VWA2: variants seen among roughly 807,000 people sequenced by gnomAD.
The protein encoded by VWA2 is von Willebrand factor A domain-containing protein 2.
Under a neutral mutation model 70.4 loss-of-function variants are expected in VWA2, and 73 were observed. That is an observed-to-expected ratio of 1.04 (90% CI 0.86 to 1.26). VWA2 has a LOEUF of 1.26. VWA2 is among the 50% of genes most tolerant of loss of function. The probability of loss-of-function intolerance (pLI) is 0.00; values close to 1 mark genes in which losing one functional copy is unlikely to be tolerated. For missense variants in VWA2, 1,011 were observed against 998.5 expected (o/e 1.01, Z -0.17); for synonymous variants, 407 against 423.3 (o/e 0.96, Z 0.47).
chr10:114,258,755 C>G (rs1344793860), intron 4 of VWA2, among the ~76,000 whole-genome samples: 4 of 152,200 alleles, frequency 2.6e-5, no homozygotes, highest in African/African-American at 9.7e-5. Context: ...TTCTTGAGTC[C>G]CTTCCGGAAT....
intron 13 of VWA2, among the ~76,000 whole-genome samples, chr10:114,291,015 T>G (rs560357070): frequency 6.6e-6 from 1 of 152,152 alleles, no homozygotes; most frequent in Non-Finnish European, 1.5e-5. Flanking sequence ...CTTGGTTTTT[T>G]GGCCACGGGC....
intron 1 of VWA2, chr10:114,246,165 C>T (rs1320297886): frequency 2.5e-6 from 3 of 1,188,876 alleles, no homozygotes; most frequent in African/African-American, 1.5e-5. Context: ...GTTGGGAAGC[C>T]TCCTTTTGAG....
intron 2 of VWA2, among the ~76,000 whole-genome samples, chr10:114,249,584 G>A (rs1305738584): frequency 6.6e-6 from 1 of 152,176 alleles, no homozygotes; most frequent in Non-Finnish European, 1.5e-5. Context: ...GTGAGAATAT[G>A]CGGTGTTTGG....
At chr10:114,254,289 C>T (rs1240423195) in intron 3 of VWA2, among the ~76,000 whole-genome samples, 1 of 151,906 alleles carries the variant, frequency 6.6e-6, no homozygotes, top group Non-Finnish European at 1.5e-5. Flanking sequence ...CCAGGCTGAT[C>T]TCGAACTCCT....
Position 114,261,313 on chromosome 10 carries a change from C to A in VWA2, c.371+18C>A, listed in dbSNP as rs1334839865. ...GTTTTCAAGTATGTATGATCAGATA[C>A]TGCTGTGGTTAGGGTGACGCCAACT... On this transcript the variant is annotated intron_variant, in intron 5 of 13. Transcript: ENST00000392982. 1.2e-6 allele frequency: 2 copies of A among 1,601,454 alleles called. No individual in the cohort carries two copies.
At chr10:114,284,745 G>T in intron 9 of VWA2, 118 bp from the exon 10 acceptor site, 1 of 895,068 alleles carries the variant, frequency 1.1e-6, no homozygotes, top group South Asian at 1.7e-5. Flanking sequence ...GACTGTGGGG[G>T]AAGGGAGGGG....
chr10:114,289,615 G>C (rs2039352142), intron 12 of VWA2, 126 bp downstream of exon 12: 1 of 1,072,732 alleles, frequency 9.3e-7, no homozygotes, highest in South Asian at 1.4e-5. Flanking sequence ...CCAAGTGCCA[G>C]GTTCTGTGCT....
At chr10:114,289,719 C>G in intron 12 of VWA2, 1 of 578,926 alleles carries the variant, frequency 1.7e-6, no homozygotes, top group South Asian at 2.0e-5. Flanking sequence ...ATAACTCCCC[C>G]CAAACTTGAG....
intron 1 of VWA2, among the ~76,000 whole-genome samples, chr10:114,247,189 GA>G (rs78485491): frequency 0.15 from 20,550 of 138,776 alleles, 1,414 homozygotes; most frequent in African/African-American, 0.16. Context: ...TTTTAAGTGT[GA>G]AAAAAAAAAA....
chr10:114,262,110 A>G (rs1229365588), intron 5 of VWA2, among the ~76,000 whole-genome samples: 1 of 152,142 alleles, frequency 6.6e-6, no homozygotes, highest in African/African-American at 2.4e-5. Context: ...AACTTGTACT[A>G]GGCCCCACCT....
chr10:114,250,000 CT>C (rs2037162061), intron 2 of VWA2, among the ~76,000 whole-genome samples: 1 of 152,154 alleles, frequency 6.6e-6, no homozygotes, highest in Non-Finnish European at 1.5e-5. Context: ...TGCCCCTGTG[CT>C]TGGATCACCC....
At position 114,289,174 on chromosome 10, in the gene VWA2, T is replaced by C. The variant is rs767751676; in HGVS notation, c.1807T>C (p.Tyr603His). Residue 603 changes from tyrosine (Y) to histidine (H), a missense_variant, in exon 12 of 14, where the codon TAC (tyrosine) becomes CAC (histidine). Tyr to His is a moderately conservative substitution (Grantham distance 83). Transcript: ENST00000392982. ...GCTGCGGGCCATTAGCCAGGCCCCC[T>C]ACCTAGGTGGGGTGGGCTCAGCCGG... The part of the protein sequence containing the change: ...AMLRAISQAP[Y>H]LGGVGSAGTA... 1 of 1,613,558 alleles carries C rather than the reference T, an allele frequency of 6.2e-7. No individual in the cohort carries two copies. The highest frequency in any genetic ancestry group is 8.5e-7 in the Non-Finnish European group (1 of 1,179,848).
chr10:114,284,818 C>T (rs1430591965), intron 9 of VWA2, 45 bp from the exon 10 acceptor site: 1 of 1,548,744 alleles, frequency 6.5e-7, no homozygotes, highest in Non-Finnish European at 8.7e-7. Flanking sequence ...CTCTCCACTC[C>T]TCTGTGCTGC....
At chr10:114,265,626 T>G (rs1470870925) in intron 5 of VWA2, among the ~76,000 whole-genome samples, 1 of 152,094 alleles carries the variant, frequency 6.6e-6, no homozygotes, top group Non-Finnish European at 1.5e-5. Context: ...ACCCCCTAGA[T>G]GATTAGTTGA....
chr10:114,290,010 AGTC>A, intron 12 of VWA2: 1 of 347,540 alleles, frequency 2.9e-6, no homozygotes, highest in Non-Finnish European at 5.1e-6. Flanking sequence ...AAAAAAAAAA[AGTC>A]TGCCATGTGT....
At chr10:114,271,022 C>T (rs185638921) in intron 5 of VWA2, among the ~76,000 whole-genome samples, 34 of 152,246 alleles carry the variant, frequency 2.2e-4, no homozygotes, top group African/African-American at 7.2e-4. Context: ...TGCTCCCTGA[C>T]AGCTCCACCC....
chr10:114,278,624 C>G, intron 7 of VWA2, 95 bp from the exon 8 acceptor site: 3 of 1,560,186 alleles, frequency 1.9e-6, no homozygotes, highest in Non-Finnish European at 2.6e-6. Context: ...GGTGGAACCT[C>G]CCAGGAGCGG....
intron 5 of VWA2, among the ~76,000 whole-genome samples, chr10:114,263,107 C>T (rs2037480556): frequency 6.6e-6 from 1 of 152,128 alleles, no homozygotes; most frequent in African/African-American, 2.4e-5. Context: ...CCTCCACCTC[C>T]CAGGCTCAAG....
intron 9 of VWA2, among the ~76,000 whole-genome samples, chr10:114,283,776 G>A (rs1029004287): frequency 1.3e-4 from 20 of 152,232 alleles, no homozygotes; most frequent in Admixed American, 5.2e-4. Flanking sequence ...CACTGTCGTC[G>A]ATCTCAGTGA....
Sources: allele counts gnomAD v4.1 joint callset (sites outside exome capture counted in the v4.1 genomes callset), GRCh38; gene constraint gnomAD v4.1.1; transcripts MANE v1.5; gene names NCBI Gene and HGNC (gene_info 2026-07-23, HGNC 2026-07-21).